CACNA2D3: variants seen among roughly 807,000 people sequenced by gnomAD.
The protein encoded by CACNA2D3 is voltage-dependent calcium channel subunit alpha-2/delta-3.
In CACNA2D3, 60 loss-of-function variants were observed where a neutral mutation model predicts 160.6. The ratio of observed to expected loss-of-function variants is 0.37; its 90% CI spans 0.30 to 0.46. The LOEUF is 0.46. CACNA2D3 is among the 20% of genes least tolerant of loss of function. The pLI, the probability that CACNA2D3 is intolerant of heterozygous loss-of-function variation, is 1.00. For synonymous variants in CACNA2D3, 558 were observed against 492.9 expected (o/e 1.13, Z -1.75); for missense variants, 1,205 against 1,365.0 (o/e 0.88, Z 1.85).
At chr3:54,439,044 C>T (rs1575454969) in intron 4 of CACNA2D3, among the ~76,000 whole-genome samples, 1 of 152,098 alleles carries the variant, frequency 6.6e-6, no homozygotes, top group East Asian at 1.9e-4. Flanking sequence ...ATTTCATTTC[C>T]ACCTGCCATT....
chr3:54,908,313 A>G (rs998772099), intron 27 of CACNA2D3, among the ~76,000 whole-genome samples: 5 of 152,274 alleles, frequency 3.3e-5, no homozygotes, highest in Admixed American at 3.3e-4. Context: ...TGCCATTTGT[A>G]TATTTTCTTT....
intron 11 of CACNA2D3, among the ~76,000 whole-genome samples, chr3:54,686,318 C>A (rs538856542): frequency 3.3e-5 from 5 of 152,320 alleles, no homozygotes; most frequent in East Asian, 3.9e-4. Flanking sequence ...AGCTTGCTGA[C>A]CCCTGAACTA....
intron 4 of CACNA2D3, among the ~76,000 whole-genome samples, chr3:54,388,976 G>T (rs147917227): frequency 3.9e-5 from 6 of 151,950 alleles, no homozygotes; most frequent in Admixed American, 3.3e-4. Context: ...CCATGAGTCC[G>T]CTTGATAATA....
At chr3:54,412,417 A>G (rs1281997347) in intron 4 of CACNA2D3, among the ~76,000 whole-genome samples, 1 of 151,926 alleles carries the variant, frequency 6.6e-6, no homozygotes, top group Non-Finnish European at 1.5e-5. Flanking sequence ...AACTCTTTTT[A>G]TTAGGTGTTA....
rs779295644 is a variant in CACNA2D3 at position 54,562,772 on chromosome 3, C to T, written c.545-28C>T. 1.1e-4 allele frequency: 168 copies of T among 1,595,478 alleles called. 1 individual carries two copies. In the South Asian group the frequency reaches 1.8e-3, roughly 17 times the overall value. ...TTATTTCACTTTGGTTTCTAATACA[C>T]CCCTCTCTCTCTCTTTCTTTTTTAC... On this transcript the variant is annotated intron_variant, in intron 5 of 37. Coordinates refer to ENST00000474759, the MANE Select transcript of CACNA2D3 (RefSeq NM_018398.3).
chr3:54,723,646 T>C (rs647480), intron 11 of CACNA2D3, among the ~76,000 whole-genome samples: 141,316 of 152,204 alleles, frequency 0.93, 65,872 homozygotes, highest in Non-Finnish European at 0.94. Flanking sequence ...GAAAATTCTC[T>C]GACGCCTTGC....
At chr3:54,464,781 C>G (rs984177672) in intron 4 of CACNA2D3, among the ~76,000 whole-genome samples, 1 of 152,202 alleles carries the variant, frequency 6.6e-6, no homozygotes, top group South Asian at 2.1e-4. Context: ...GCTGCACGCA[C>G]TGTCCTGCGC....
chr3:54,931,012 C>A (rs1364820913), intron 27 of CACNA2D3, among the ~76,000 whole-genome samples: 1 of 152,208 alleles, frequency 6.6e-6, no homozygotes, highest in Non-Finnish European at 1.5e-5. Flanking sequence ...AGGAGAATCG[C>A]TTGAACCCAG....
At chr3:54,441,986 T>G (rs1008645537) in intron 4 of CACNA2D3, among the ~76,000 whole-genome samples, 2 of 152,196 alleles carry the variant, frequency 1.3e-5, no homozygotes, top group African/African-American at 4.8e-5. Context: ...AAAACTTTTT[T>G]TAGAGATGGA....
intron 13 of CACNA2D3, among the ~76,000 whole-genome samples, chr3:54,785,955 T>C (rs1702633628): frequency 6.6e-6 from 1 of 152,148 alleles, no homozygotes; most frequent in Non-Finnish European, 1.5e-5. Flanking sequence ...CTCTTAACAC[T>C]TCCAGCCTTC....
rs368714812 is a variant in CACNA2D3, at chr3:54,484,846, ATT to A, written c.382-18631_382-18630del. On this transcript the variant is annotated intron_variant, in intron 4 of 37. Transcript: ENST00000474759. ...TGAAGAAGAACCACCTAGGTAGATA[ATT>A]TTTTTTTTTTTTTTGGGGGATGGAG... 8.5e-4 allele frequency among the ~76,000 whole-genome samples: 122 copies of A among 143,842 alleles called. 1 individual carries two copies. The highest frequency in any genetic ancestry group is 4.2e-3 in the Admixed American group (61 of 14,426). The allele number at this position is 143,842 out of a possible 152,430, so 94.4% of individuals were successfully genotyped here.
intron 3 of CACNA2D3, among the ~76,000 whole-genome samples, chr3:54,384,231 G>T (rs575106812): frequency 6.6e-6 from 1 of 151,824 alleles, no homozygotes; most frequent in East Asian, 1.9e-4. Flanking sequence ...TTCTCAGTGC[G>T]TAGACACCAT....
chr3:54,526,938 A>G (rs1701732202), intron 5 of CACNA2D3, among the ~76,000 whole-genome samples: 1 of 152,148 alleles, frequency 6.6e-6, no homozygotes, highest in Non-Finnish European at 1.5e-5. Flanking sequence ...TGATCTGCCC[A>G]CCTCAGCCTC....
intron 13 of CACNA2D3, among the ~76,000 whole-genome samples, chr3:54,775,376 G>C (rs1287966025): frequency 6.6e-6 from 1 of 152,188 alleles, no homozygotes; most frequent in Non-Finnish European, 1.5e-5. Flanking sequence ...TTCATATAAA[G>C]CATATAGAAG....
At chr3:54,355,100 TATGAG>T (rs1698626668) in intron 3 of CACNA2D3, among the ~76,000 whole-genome samples, 1 of 152,166 alleles carries the variant, frequency 6.6e-6, no homozygotes, top group South Asian at 2.1e-4. Context: ...ATGGAAATGA[TATGAG>T]AGAGTGATTG....
At chr3:54,680,611 G>A (rs1461815357) in intron 11 of CACNA2D3, among the ~76,000 whole-genome samples, 2 of 152,198 alleles carry the variant, frequency 1.3e-5, no homozygotes, top group Non-Finnish European at 2.9e-5. Context: ...TGTGAATGTA[G>A]CAGGAGGATC....
intron 11 of CACNA2D3, among the ~76,000 whole-genome samples, chr3:54,681,118 GGAGA>G (rs71096435): frequency 1.3e-3 from 198 of 149,712 alleles, no homozygotes; most frequent in African/African-American, 4.5e-3. Context: ...TATTATCTAA[GGAGA>G]GAGAGAGAGA....
At chr3:54,600,969 C>T (rs1017711817) in intron 9 of CACNA2D3, among the ~76,000 whole-genome samples, 2 of 152,080 alleles carry the variant, frequency 1.3e-5, no homozygotes, top group South Asian at 2.1e-4. Flanking sequence ...TTTCTTGTGA[C>T]GTCCAGATCA....
intron 3 of CACNA2D3, among the ~76,000 whole-genome samples, chr3:54,365,421 G>A (rs1364650916): frequency 1.3e-5 from 2 of 152,222 alleles, no homozygotes; most frequent in East Asian, 1.9e-4. Flanking sequence ...TTCAACAAAT[G>A]TGTGGAATGC....
Sources: gnomAD v4.1 joint callset for allele counts (sites outside exome capture counted in the v4.1 genomes callset) on GRCh38, gnomAD v4.1.1 for gene constraint, MANE v1.5 for transcripts, NCBI Gene and HGNC (gene_info 2026-07-23, HGNC 2026-07-21) for gene names.